KCNB2: variants seen among roughly 807,000 people sequenced by gnomAD.
KCNB2 encodes the protein delayed rectifier potassium channel protein.
KCNB2 carries 15 observed loss-of-function variants against 61.5 expected under a neutral mutation model. The ratio of observed to expected loss-of-function variants is 0.24; its 90% CI spans 0.16 to 0.38. The LOEUF (loss-of-function observed/expected upper bound fraction) is 0.38, where lower values mean the gene tolerates loss of function less well. Ranked by LOEUF, KCNB2 falls within the 10% of genes least tolerant of loss-of-function variation. The pLI is 1.00. For synonymous variants in KCNB2, 457 were observed against 446.0 expected, an observed-to-expected ratio of 1.02 and a Z score of -0.31; for missense variants, 828 against 1,125.2, an observed-to-expected ratio of 0.74 and a Z score of 3.78.
chr8:72,903,765 T>C (rs946803291), intron 2 of KCNB2, among the ~76,000 whole-genome samples: 1 of 152,184 alleles, frequency 6.6e-6, no homozygotes, highest in Non-Finnish European at 1.5e-5. Context: ...GATACCTCCA[T>C]TTTCATCATG....
intron 2 of KCNB2, among the ~76,000 whole-genome samples, chr8:72,569,813 C>G (rs1298718582): frequency 6.6e-6 from 1 of 152,024 alleles, no homozygotes; most frequent in Non-Finnish European, 1.5e-5. Context: ...TTCTTTCAAG[C>G]CTTTAGGCAA....
At chr8:72,621,371 A>C (rs1805710924) in intron 2 of KCNB2, among the ~76,000 whole-genome samples, 1 of 152,120 alleles carries the variant, frequency 6.6e-6, no homozygotes, top group African/African-American at 2.4e-5. Context: ...TTTTCTCAAA[A>C]AGCTTGAAAG....
chr8:72,666,631 C>A (rs1020524214), intron 2 of KCNB2, among the ~76,000 whole-genome samples: 1 of 148,056 alleles, frequency 6.8e-6, no homozygotes, highest in Non-Finnish European at 1.5e-5. Flanking sequence ...TCTTCAGTGA[C>A]CTTCAAATAA....
intron 2 of KCNB2, among the ~76,000 whole-genome samples, chr8:72,735,791 G>A (rs1238802166): frequency 6.6e-6 from 1 of 152,150 alleles, no homozygotes; most frequent in Non-Finnish European, 1.5e-5. Context: ...TGGATTGCCA[G>A]TCCCTTAGTC....
chr8:72,649,068 ATT>A (rs1483859667), intron 2 of KCNB2, among the ~76,000 whole-genome samples: 2 of 152,044 alleles, frequency 1.3e-5, no homozygotes, highest in African/African-American at 4.8e-5. Context: ...AGACATTTTT[ATT>A]GTCTCCTTTT....
intron 2 of KCNB2, among the ~76,000 whole-genome samples, chr8:72,633,915 A>G (rs984230394): frequency 6.6e-6 from 1 of 152,200 alleles, no homozygotes; most frequent in African/African-American, 2.4e-5. Context: ...ATAAAAAAAA[A>G]GGTCTGTGTG....
intron 2 of KCNB2, among the ~76,000 whole-genome samples, chr8:72,930,946 C>G (rs1806769239): frequency 6.6e-6 from 1 of 152,196 alleles, no homozygotes; most frequent in African/African-American, 2.4e-5. Context: ...ACATTTAAGT[C>G]TTTAATCCAT....
intron 2 of KCNB2, among the ~76,000 whole-genome samples, chr8:72,714,914 C>T (rs999909754): frequency 3.3e-5 from 5 of 152,058 alleles, no homozygotes; most frequent in African/African-American, 1.2e-4. Flanking sequence ...TTCAGGAAAC[C>T]CATCTCACGT....
chr8:72,719,607 A>G (rs961256078), intron 2 of KCNB2, among the ~76,000 whole-genome samples: 1 of 152,088 alleles, frequency 6.6e-6, no homozygotes, highest in Admixed American at 6.6e-5. Flanking sequence ...AAGTCATTAT[A>G]AATGTCCTCC....
At chr8:72,558,008 A>G (rs1400018622) in intron 1 of KCNB2, among the ~76,000 whole-genome samples, 1 of 152,206 alleles carries the variant, frequency 6.6e-6, no homozygotes, top group Admixed American at 6.5e-5. Flanking sequence ...AACAAACAAG[A>G]TACTAGTGCT....
intron 2 of KCNB2, among the ~76,000 whole-genome samples, chr8:72,650,585 C>G (rs977976710): frequency 6.6e-6 from 1 of 152,162 alleles, no homozygotes; most frequent in Non-Finnish European, 1.5e-5. Flanking sequence ...ACCGCCAGGT[C>G]TCTCTGATAC....
At chr8:72,865,750 T>G (rs1364314685) in intron 2 of KCNB2, among the ~76,000 whole-genome samples, 1 of 143,424 alleles carries the variant, frequency 7.0e-6, no homozygotes, top group Non-Finnish European at 1.6e-5. Flanking sequence ...ACTCACTGCC[T>G]CTTACTTATC....
intron 2 of KCNB2, among the ~76,000 whole-genome samples, chr8:72,739,547 C>T (rs770429461): frequency 6.6e-6 from 1 of 151,750 alleles, no homozygotes; most frequent in East Asian, 1.9e-4. Context: ...TAAGCAAAAG[C>T]GAGTGGAAGT....
At chr8:72,755,196 C>T (rs954580853) in intron 2 of KCNB2, among the ~76,000 whole-genome samples, 3 of 152,072 alleles carry the variant, frequency 2.0e-5, no homozygotes, top group African/African-American at 7.2e-5. Context: ...AAAACAGGGA[C>T]GTCTAAGTAA....
intron 2 of KCNB2, among the ~76,000 whole-genome samples, chr8:72,843,599 G>C (rs1257693671): frequency 6.6e-6 from 1 of 152,150 alleles, no homozygotes; most frequent in East Asian, 1.9e-4. Context: ...CTAAGAACTT[G>C]CTTTATGAAT....
At chr8:72,674,609 G>T (rs1422804948) in intron 2 of KCNB2, among the ~76,000 whole-genome samples, 1 of 152,172 alleles carries the variant, frequency 6.6e-6, no homozygotes, top group African/African-American at 2.4e-5. Context: ...TAATAATAAG[G>T]ATGATGTGAA....
At chr8:72,560,827 G>C (rs1806499438) in intron 1 of KCNB2, among the ~76,000 whole-genome samples, 1 of 151,866 alleles carries the variant, frequency 6.6e-6, no homozygotes, top group Admixed American at 6.6e-5. Context: ...TTTCTGGTCA[G>C]CTATGTTTTA....
chr8:72,782,910 C>G (rs1182306261), intron 2 of KCNB2, among the ~76,000 whole-genome samples: 1 of 152,042 alleles, frequency 6.6e-6, no homozygotes, highest in East Asian at 1.9e-4. Context: ...AAGAACCTTT[C>G]AAGCAATTGT....
intron 2 of KCNB2, among the ~76,000 whole-genome samples, chr8:72,571,673 T>C (rs1416959409): frequency 2.6e-5 from 4 of 152,108 alleles, no homozygotes; most frequent in Non-Finnish European, 4.4e-5. Context: ...TTTACACAGT[T>C]TAAATTTGAG....
Sources: gnomAD v4.1 joint callset for allele counts (sites outside exome capture counted in the v4.1 genomes callset) on GRCh38, gnomAD v4.1.1 for gene constraint, MANE v1.5 for transcripts, NCBI Gene and HGNC (gene_info 2026-07-23, HGNC 2026-07-21) for gene names.